The following EPHB1 variants were observed in gnomAD, a reference collection of about 807,000 sequenced individuals.
The protein encoded by EPHB1 is ephrin type-B receptor 1.
A neutral mutation model predicts 94.4 loss-of-function variants in EPHB1; 30 were observed. The ratio of observed to expected loss-of-function variants is 0.32; its 90% CI spans 0.24 to 0.43. EPHB1 has a LOEUF of 0.43. Ranked by LOEUF, EPHB1 falls within the 20% of genes least tolerant of loss-of-function variation. EPHB1 has a pLI of 1.00. For missense variants in EPHB1, 1,055 were observed against 1,308.3 expected (o/e 0.81, Z 2.99); for synonymous variants, 522 against 489.1 (o/e 1.07, Z -0.89).
chr3:134,912,944 C>T (rs1385636357), intron 1 of EPHB1, among the ~76,000 whole-genome samples: 1 of 152,142 alleles, frequency 6.6e-6, no homozygotes, highest in Non-Finnish European at 1.5e-5. Context: ...TCTGATATTT[C>T]CCGGTATCAG....
At chr3:134,994,649 C>T (rs1934930098) in intron 3 of EPHB1, among the ~76,000 whole-genome samples, 1 of 152,206 alleles carries the variant, frequency 6.6e-6, no homozygotes, top group Non-Finnish European at 1.5e-5. Context: ...GCATTGAACT[C>T]CTAGGCTCAA....
chr3:135,146,218 G>A (rs556144198), intron 5 of EPHB1, among the ~76,000 whole-genome samples: 8 of 152,310 alleles, frequency 5.3e-5, no homozygotes, highest in Non-Finnish European at 8.8e-5. Flanking sequence ...TTCAAAGGCC[G>A]GCAAGGTCAA....
intron 2 of EPHB1, among the ~76,000 whole-genome samples, chr3:134,947,921 G>A (rs1209581403): frequency 6.6e-6 from 1 of 152,122 alleles, no homozygotes; most frequent in Admixed American, 6.5e-5. Context: ...CTCCTGAATA[G>A]CTGGTTCTAC....
chr3:135,143,508 CAG>C (rs1277178600), intron 5 of EPHB1, among the ~76,000 whole-genome samples: 1 of 152,158 alleles, frequency 6.6e-6, no homozygotes, highest in Admixed American at 6.5e-5. Context: ...CCAGGTGTAA[CAG>C]GGGCACACAA....
At chr3:135,039,482 T>C (rs1225992806) in intron 3 of EPHB1, among the ~76,000 whole-genome samples, 15 of 152,150 alleles carry the variant, frequency 9.9e-5, no homozygotes, top group Non-Finnish European at 1.5e-4. Flanking sequence ...TAGGGGGTGG[T>C]GCTCCCGTCG....
intron 3 of EPHB1, among the ~76,000 whole-genome samples, chr3:134,963,718 T>G (rs1578235500): frequency 6.6e-6 from 1 of 152,208 alleles, no homozygotes; most frequent in East Asian, 1.9e-4. Flanking sequence ...TGGTAACCAC[T>G]ATTCTCTATG....
chr3:134,934,902 T>C (rs1313035468), intron 2 of EPHB1, among the ~76,000 whole-genome samples: 1 of 152,098 alleles, frequency 6.6e-6, no homozygotes, highest in Non-Finnish European at 1.5e-5. Flanking sequence ...ATTCCAGAGG[T>C]TACCTAAGCC....
chr3:135,155,559 G>A (rs1010860862), intron 6 of EPHB1, among the ~76,000 whole-genome samples: 4 of 151,936 alleles, frequency 2.6e-5, no homozygotes, highest in African/African-American at 4.8e-5. Flanking sequence ...ATCCTAGCAC[G>A]TTGGGAGGCT....
chr3:134,874,366 G>A (rs1359980262), intron 1 of EPHB1, among the ~76,000 whole-genome samples: 1 of 152,138 alleles, frequency 6.6e-6, no homozygotes, highest in Non-Finnish European at 1.5e-5. Context: ...GGCCTATTGG[G>A]GGGTGGAGGG....
At chr3:134,949,879 C>T (rs1015549448) in intron 2 of EPHB1, among the ~76,000 whole-genome samples, 2 of 152,136 alleles carry the variant, frequency 1.3e-5, no homozygotes, top group Admixed American at 6.5e-5. Flanking sequence ...AAAGAATGAC[C>T]CAGCAACTCT....
At chr3:134,878,260 GA>G (rs2037658286) in intron 1 of EPHB1, among the ~76,000 whole-genome samples, 2 of 152,206 alleles carry the variant, frequency 1.3e-5, no homozygotes, top group Admixed American at 1.3e-4. Flanking sequence ...TGGCTCAGGT[GA>G]AATATAGCTA....
Position 135,183,026 on chromosome 3 carries a change from TTTTCTTTCTTTCTTTCTTTCTTTC to T in EPHB1, c.1882+3074_1882+3097del, listed in dbSNP as rs373601553. 4.6e-4 allele frequency among the ~76,000 whole-genome samples: 44 copies of T among 94,680 alleles called. 2 individuals carry two copies. Among genetic ancestry groups the T allele is most frequent in the East Asian group, 3.5e-3 (13 of 3,674 alleles). 62.1% of individuals were successfully genotyped at this position (94,680 alleles called of 152,430 possible). The stretch of plus-strand genomic sequence containing the variant: ...TTTTCTTTTCTTTTCTTTTCTTTTC[TTTTCTTTCTTTCTTTCTTTCTTTC>T]TTTCTTTCTTTCTTTCTTTCTTTCT... On this transcript the variant is annotated intron_variant, in intron 10 of 15. Coordinates refer to ENST00000398015, the MANE Select transcript of EPHB1 (RefSeq NM_004441.5).
intron 1 of EPHB1, among the ~76,000 whole-genome samples, chr3:134,857,259 G>A (rs1025269105): frequency 6.6e-6 from 1 of 152,098 alleles, no homozygotes; most frequent in Non-Finnish European, 1.5e-5. Flanking sequence ...ACTGCTATCT[G>A]TACTCCTCTC....
intron 3 of EPHB1, among the ~76,000 whole-genome samples, chr3:135,093,077 G>A (rs1381649015): frequency 6.6e-6 from 1 of 152,180 alleles, no homozygotes; most frequent in Non-Finnish European, 1.5e-5. Context: ...CAATATAAAG[G>A]CAGTGACTAG....
At chr3:135,127,884 T>A (rs1940267729) in intron 4 of EPHB1, among the ~76,000 whole-genome samples, 1 of 152,102 alleles carries the variant, frequency 6.6e-6, no homozygotes, top group Non-Finnish European at 1.5e-5. Context: ...CTCAGGCACA[T>A]CCTGGAGGAC....
At chr3:134,931,912 T>G (rs2038911942) in intron 2 of EPHB1, among the ~76,000 whole-genome samples, 1 of 152,140 alleles carries the variant, frequency 6.6e-6, no homozygotes, top group South Asian at 2.1e-4. Context: ...ATAGTGTATA[T>G]ATGTATATGT....
chr3:134,918,289 G>A (rs985077095), intron 1 of EPHB1, among the ~76,000 whole-genome samples: 6 of 152,152 alleles, frequency 3.9e-5, no homozygotes, highest in African/African-American at 7.2e-5. Flanking sequence ...GAGCAGAAAT[G>A]GGGTGCTGGA....
chr3:134,798,855 G>T (rs1369107600), intron 1 of EPHB1, among the ~76,000 whole-genome samples: 5 of 152,182 alleles, frequency 3.3e-5, no homozygotes, highest in African/African-American at 1.2e-4. Context: ...ACCTGAAATT[G>T]CTAACTGCTC....
At chr3:135,045,390 AATG>A (rs1451356934) in intron 3 of EPHB1, among the ~76,000 whole-genome samples, 4 of 152,236 alleles carry the variant, frequency 2.6e-5, no homozygotes, top group Non-Finnish European at 4.4e-5. Flanking sequence ...TGTGTGATAA[AATG>A]ATAAGTTCAA....
Sources: allele counts gnomAD v4.1 joint callset (sites outside exome capture counted in the v4.1 genomes callset), GRCh38; gene constraint gnomAD v4.1.1; transcripts MANE v1.5; gene names NCBI Gene and HGNC (gene_info 2026-07-23, HGNC 2026-07-21).